The following SEC23IP variants were observed in gnomAD, a reference collection of about 807,000 sequenced individuals.
The protein encoded by SEC23IP is SEC23 interacting protein.
In SEC23IP, 70 loss-of-function variants were observed where a neutral mutation model predicts 113.4. The ratio of observed to expected loss-of-function variants is 0.62; its 90% CI spans 0.51 to 0.75. The LOEUF (loss-of-function observed/expected upper bound fraction) is 0.75. Among genes scored for constraint, SEC23IP ranks in the 30% least tolerant of loss-of-function variants. The pLI is 0.00. For missense variants in SEC23IP, 1,160 were observed against 1,204.9 expected (o/e 0.96, Z 0.55); for synonymous variants, 398 against 421.0 (o/e 0.95, Z 0.67).
intron 2 of SEC23IP, among the ~76,000 whole-genome samples, chr10:119,901,790 G>C (rs1340370269): frequency 1.3e-5 from 2 of 152,070 alleles, no homozygotes; most frequent in Non-Finnish European, 2.9e-5. Flanking sequence ...GGGTTCAAGC[G>C]ATTCTCCTGC....
chr10:119,893,673 C>T (rs1854176095), intron 1 of SEC23IP, among the ~76,000 whole-genome samples: 1 of 152,038 alleles, frequency 6.6e-6, no homozygotes, highest in East Asian at 1.9e-4. Flanking sequence ...GCGTCTGCCA[C>T]CATGCCTGGC....
intron 12 of SEC23IP, 92 bp downstream of exon 12, chr10:119,921,076 G>T: frequency 2.3e-6 from 2 of 885,622 alleles, no homozygotes; most frequent in South Asian, 3.2e-5. Flanking sequence ...CTATGGTTAG[G>T]TAAGCTAGTT....
intron 12 of SEC23IP, among the ~76,000 whole-genome samples, chr10:119,923,315 A>T (rs1032043261): frequency 1.3e-5 from 2 of 152,020 alleles, no homozygotes; most frequent in Admixed American, 1.3e-4. Context: ...CTTCTTACAG[A>T]TAACAAGGTG....
chr10:119,899,633 CTGTTTT>C (rs1428991242), intron 2 of SEC23IP, among the ~76,000 whole-genome samples: 2 of 152,242 alleles, frequency 1.3e-5, no homozygotes, highest in African/African-American at 4.8e-5. Context: ...AGAATGGACT[CTGTTTT>C]ATCATTTCAT....
chr10:119,900,936 T>G (rs981972378), intron 2 of SEC23IP, among the ~76,000 whole-genome samples: 2 of 151,072 alleles, frequency 1.3e-5, no homozygotes, highest in African/African-American at 4.8e-5. Flanking sequence ...CTATGGTTTC[T>G]ATAATCTATT....
At position 119,918,051 on chromosome 10, in the gene SEC23IP, CTG is replaced by C; in HGVS notation, c.1753+9_1753+10del. 6.2e-7 allele frequency: 1 copy of C among 1,607,452 alleles called. No homozygotes were observed. Among genetic ancestry groups the C allele is most frequent in the East Asian group, 2.2e-5 (1 of 44,790 alleles). ...GTTGCTGGTCACAGTTTAGGTAAAA[CTG>C]TCAAATATTCACATTTTAAATACAA... On this transcript the variant is annotated splice_region_variant and intron_variant, in intron 9 of 18. Transcript: ENST00000369075.
rs1699174720 is a variant in SEC23IP at position 119,898,983 on chromosome 10, C to T, written c.696+24C>T. 6 of 1,507,616 alleles carry T rather than the reference C, an allele frequency of 4.0e-6. No individual in the cohort carries two copies. The Middle Eastern group carries it at 5.3e-4, about 134-fold the overall frequency. 93.4% of individuals were successfully genotyped at this position (1,507,616 alleles called of 1,614,324 possible). ...CGGTATGGAGACATGATTTTGTGTC[C>T]TACTTATTCACTCTGTGTCTTCTTT... On this transcript the variant is annotated intron_variant, in intron 2 of 18. Coordinates refer to ENST00000369075, the MANE Select transcript of SEC23IP (RefSeq NM_007190.4).
intron 7 of SEC23IP, 43 bp downstream of exon 7, chr10:119,914,862 C>T: frequency 6.5e-7 from 1 of 1,539,772 alleles, no homozygotes; most frequent in Non-Finnish European, 9.0e-7. Flanking sequence ...GATCTGAGAA[C>T]TAATAGAAGA....
intron 12 of SEC23IP, among the ~76,000 whole-genome samples, chr10:119,922,900 G>A (rs1181989882): frequency 6.6e-6 from 1 of 151,776 alleles, no homozygotes; most frequent in Admixed American, 6.6e-5. Context: ...GTCAAACTGA[G>A]ACTAGGACAC....
chr10:119,930,005 C>T (rs1226632325), intron 14 of SEC23IP, among the ~76,000 whole-genome samples: 2 of 152,066 alleles, frequency 1.3e-5, no homozygotes, highest in Admixed American at 6.6e-5. Flanking sequence ...CTAGTAAATT[C>T]TCATATTCTT....
chr10:119,901,371 A>T (rs958700162), intron 2 of SEC23IP, among the ~76,000 whole-genome samples: 1 of 151,984 alleles, frequency 6.6e-6, no homozygotes, highest in Non-Finnish European at 1.5e-5. Context: ...CAGAAAGGAT[A>T]TAAGACATTT....
At chr10:119,909,214 T>TA in intron 5 of SEC23IP, 84 bp downstream of exon 5, 2 of 863,362 alleles carry the variant, frequency 2.3e-6, no homozygotes, top group Non-Finnish European at 3.6e-6. Flanking sequence ...TCATTTTTAG[T>TA]AACTTCTACA....
chr10:119,933,717 A>G lies in SEC23IP; in HGVS notation c.2953A>G (p.Lys985Glu), dbSNP rs771730724. 6.3e-7 allele frequency: 1 copy of G among 1,594,714 alleles called. No homozygotes were observed. The highest frequency in any genetic ancestry group is 1.1e-5 in the South Asian group (1 of 90,448). ...TGAAGATACTGCTCTGTTACTACTTAAAGAAATTTATCGAACAATGAACAT... is the reference window on the plus strand; with the variant it reads ...TGAAGATACTGCTCTGTTACTACTTGAAGAAATTTATCGAACAATGAACAT... ...ESEDTALLLL[K>E]EIYRTMNISP... Residue 985 changes from lysine (K) to glutamate (E), a missense_variant, in exon 18 of 19, where the codon AAA becomes GAA. By Grantham distance (56) the Lys-to-Glu change is moderately conservative. Coordinates refer to ENST00000369075, the MANE Select transcript of SEC23IP (RefSeq NM_007190.4).
At chr10:119,900,439 A>G (rs1272240793) in intron 2 of SEC23IP, among the ~76,000 whole-genome samples, 1 of 151,710 alleles carries the variant, frequency 6.6e-6, no homozygotes, top group Non-Finnish European at 1.5e-5. Context: ...CCTCACCAGT[A>G]GCTGGGACCA....
At chr10:119,907,374 A>T (rs1333628426) in intron 4 of SEC23IP, among the ~76,000 whole-genome samples, 1 of 152,146 alleles carries the variant, frequency 6.6e-6, no homozygotes, top group African/African-American at 2.4e-5. Context: ...AGAAGGAAAT[A>T]CTTCTATTTT....
chr10:119,921,157 T>A lies in SEC23IP; in HGVS notation c.2121+173T>A, dbSNP rs1022765463. On this transcript the variant is annotated intron_variant, in intron 12 of 18. Transcript: ENST00000369075. ...CTTAGGAGTCAGAGTTGGGCTTAAG[T>A]CCACATTAGGCTAAGTGACCATCCT... Among the ~76,000 whole-genome samples, 68 of 152,172 alleles carry A rather than the reference T, an allele frequency of 4.5e-4. 1 individual carries two copies. Among genetic ancestry groups the A allele is most frequent in the Non-Finnish European group, 9.6e-4 (65 of 68,022 alleles).
chr10:119,893,412 A>C (rs1047425132), intron 1 of SEC23IP, among the ~76,000 whole-genome samples: 1 of 151,388 alleles, frequency 6.6e-6, no homozygotes, highest in African/African-American at 2.4e-5. Context: ...ATACAGTACA[A>C]TATCTTCTAG....
At chr10:119,916,059 CTGTG>C (rs897022640) in intron 8 of SEC23IP, among the ~76,000 whole-genome samples, 170 bp downstream of exon 8, 1 of 152,164 alleles carries the variant, frequency 6.6e-6, no homozygotes, top group Non-Finnish European at 1.5e-5. Flanking sequence ...ACTTTTCTCT[CTGTG>C]TGTGTGCATT....
intron 15 of SEC23IP, among the ~76,000 whole-genome samples, 158 bp downstream of exon 15, chr10:119,930,589 C>T (rs1032147358): frequency 3.9e-5 from 6 of 152,084 alleles, no homozygotes; most frequent in African/African-American, 1.4e-4. Flanking sequence ...AGAGCTTTAA[C>T]AAAATTACAA....
Sources: allele counts gnomAD v4.1 joint callset (sites outside exome capture counted in the v4.1 genomes callset), GRCh38; gene constraint gnomAD v4.1.1; transcripts MANE v1.5; gene names NCBI Gene and HGNC (gene_info 2026-07-23, HGNC 2026-07-21).